CEMIP2: variants seen among roughly 807,000 people sequenced by gnomAD.
CEMIP2 encodes cell surface hyaluronidase CEMIP2.
A neutral mutation model predicts 146.9 loss-of-function variants in CEMIP2; 79 were observed. The observed-to-expected ratio is 0.54, with a 90% CI of 0.45 to 0.65. CEMIP2 has a LOEUF of 0.65. Ranked by LOEUF, CEMIP2 falls within the 30% of genes least tolerant of loss-of-function variation. CEMIP2 has a pLI of 0.00. For synonymous variants in CEMIP2, 601 were observed against 606.3 expected (o/e 0.99, Z 0.13); for missense variants, 1,596 against 1,696.2 (o/e 0.94, Z 1.04).
At position 71,731,693 on chromosome 9, in the gene CEMIP2, C is replaced by G. The variant is rs1823621463; in HGVS notation, c.1563+658G>C. ...CCCACAGTCAGTTGTGATCATGCCA[C>G]TGTACTCCATCCTGGGTGACAGAAT... On this transcript the variant is annotated intron_variant, in intron 7 of 23. Coordinates refer to ENST00000377044, the MANE Select transcript of CEMIP2 (RefSeq NM_013390.3). 2.7e-5 allele frequency among the ~76,000 whole-genome samples: 4 copies of G among 149,224 alleles called. No individual in the cohort carries two copies. In the South Asian group the frequency reaches 8.4e-4, roughly 31 times the overall value.
chr9:71,728,246 T>TACACGTATATAC (rs1823464894), intron 10 of CEMIP2, among the ~76,000 whole-genome samples: 1 of 43,056 alleles, frequency 2.3e-5, no homozygotes, highest in African/African-American at 6.2e-5. Context: ...TATATATATA[T>TACACGTATATAC]ATATGTATAT....
chr9:71,729,874 G>T lies in CEMIP2; in HGVS notation c.2020C>A (p.Leu674Met), dbSNP rs1229441673. 1 of 1,614,174 alleles carries T rather than the reference G, an allele frequency of 6.2e-7. No homozygotes were observed. The highest frequency in any genetic ancestry group is 2.2e-5 in the East Asian group (1 of 44,886). The change falls in exon 10 of 24, where the codon CTG becomes ATG. Residue 674 changes from leucine to methionine, a missense_variant. Physicochemically the swap from Leu to Met is conservative, Grantham distance 15. Coordinates refer to ENST00000377044, the MANE Select transcript of CEMIP2 (RefSeq NM_013390.3). ...TFWIAHPNNN[L>M]INNAAAGSQD... The stretch of plus-strand genomic sequence containing the variant: ...GAGCCTGCAGCTGCATTATTAATCA[G>T]ATTATTGTTGGGATGAGCAATCCAG...
chr9:71,717,425 C>A (rs1480786670), intron 13 of CEMIP2, among the ~76,000 whole-genome samples: 1 of 152,010 alleles, frequency 6.6e-6, no homozygotes, highest in African/African-American at 2.4e-5. Flanking sequence ...TTTTTCTAGA[C>A]TGTTGAACAC....
chr9:71,758,747 G>A (rs1247510404), intron 1 of CEMIP2, among the ~76,000 whole-genome samples: 2 of 152,074 alleles, frequency 1.3e-5, no homozygotes, highest in African/African-American at 4.8e-5. Flanking sequence ...TGCTTTGCAG[G>A]GTGACTTCTG....
Position 71,709,345 on chromosome 9 carries a change from T to C in CEMIP2, c.2899A>G (p.Arg967Gly), listed in dbSNP as rs765672027. ...VTGYKDAYVG[R>G]MDNYLIRHPS... ...TGGCGGATCAGGTAGTTGTCCATTCTTCCCACATAAGCATCCTTGTATCCT... is the reference window on the plus strand; with the variant it reads ...TGGCGGATCAGGTAGTTGTCCATTCCTCCCACATAAGCATCCTTGTATCCT... Residue 967 changes from arginine to glycine, a missense_variant, in exon 17 of 24, where the codon AGA becomes GGA. Arg to Gly is a moderately radical substitution (Grantham distance 125). Transcript: ENST00000377044. 1 of 1,614,226 alleles carries C rather than the reference T, an allele frequency of 6.2e-7. No individual in the cohort carries two copies. Among genetic ancestry groups the C allele is most frequent in the Non-Finnish European group, 8.5e-7 (1 of 1,180,026 alleles).
Position 71,684,084 on chromosome 9 carries a change from TTAAG to T in CEMIP2, c.*1109_*1112del, listed in dbSNP as rs2131838835. The stretch of plus-strand genomic sequence containing the variant: ...CTTTTTAATTGGCTTTAACATTTCA[TTAAG>T]TAAGAGTGACTCATTCCTGCAAGGC... On this transcript the variant is annotated 3_prime_UTR_variant, in exon 24 of 24. Coordinates refer to ENST00000377044, the MANE Select transcript of CEMIP2 (RefSeq NM_013390.3). 1 of 152,310 alleles carries T rather than the reference TTAAG, an allele frequency of 6.6e-6. No homozygotes were observed. The highest frequency in any genetic ancestry group is 2.4e-5 in the African/African-American group (1 of 41,540). The allele number at this position is 152,310 out of a possible 1,614,324, so 9.4% of individuals were successfully genotyped here. A position where few individuals can be genotyped will look rare whatever the true frequency, so the allele number is the denominator to read the frequency against.
chr9:71,694,443 T>C (rs1822333562), intron 21 of CEMIP2, 66 bp downstream of exon 21: 1 of 1,312,390 alleles, frequency 7.6e-7, no homozygotes, highest in African/African-American at 1.5e-5. Context: ...GTTTATAAGC[T>C]ACCTAGTTTA....
intron 20 of CEMIP2, 65 bp downstream of exon 20, chr9:71,697,920 C>T (rs1390763190): frequency 6.7e-7 from 1 of 1,501,190 alleles, no homozygotes; most frequent in African/African-American, 1.4e-5. Context: ...GAAAAGTGCT[C>T]CTATTGCAAA....
At chr9:71,725,359 C>T (rs1564010487) in intron 11 of CEMIP2, among the ~76,000 whole-genome samples, 1 of 152,102 alleles carries the variant, frequency 6.6e-6, no homozygotes, top group African/African-American at 2.4e-5. Context: ...TGCCCTTCTA[C>T]CGTGGATGAC....
At position 71,718,074 on chromosome 9, in the gene CEMIP2, C is replaced by T. The variant is rs140238648; in HGVS notation, c.2273G>A (p.Arg758Gln). Residue 758 changes from arginine (R) to glutamine (Q), a missense_variant, in exon 13 of 24, where the codon CGA (arginine) becomes CAA (glutamine). Physicochemically the swap from Arg to Gln is conservative, Grantham distance 43. Coordinates refer to ENST00000377044, the MANE Select transcript of CEMIP2 (RefSeq NM_013390.3). The stretch of plus-strand genomic sequence containing the variant: ...TTCGGGGTTTGCATCCTGATGAGGT[C>T]GAAATCTAGGGGTTAAAAAAAGAAT... ...YLCLDNSARF[R>Q]PHQDANPEKP... is the part of the protein sequence containing the mutation. 1.7e-5 allele frequency: 27 copies of T among 1,601,708 alleles called. No individual in the cohort carries two copies. Among genetic ancestry groups the T allele is most frequent in the South Asian group, 5.7e-5 (5 of 88,218 alleles).
Position 71,732,482 on chromosome 9 carries a change from C to A in CEMIP2, c.1432G>T (p.Gly478Cys). The A allele has an allele frequency of 1.2e-6, 2 of 1,612,342 alleles. No individual in the cohort carries two copies. Among genetic ancestry groups the A allele is most frequent in the African/African-American group, 1.3e-5 (1 of 74,870 alleles). ...QFLHMGEIIDGVDMRAEVGIL... is the reference protein window; with the variant it reads ...QFLHMGEIIDCVDMRAEVGIL... The stretch of plus-strand genomic sequence containing the variant: ...CCAACCTCAGCTCTCATGTCTACAC[C>A]GTCTATGATCTCACCCATGTGCAGG... Residue 478 changes from glycine (G) to cysteine (C), a missense_variant, in exon 7 of 24, where the codon GGT becomes TGT. Gly to Cys is a radical substitution (Grantham distance 159). Transcript: ENST00000377044.
chr9:71,715,057 C>T lies in CEMIP2; in HGVS notation c.2468G>A (p.Ser823Asn). The change falls in exon 15 of 24, where the codon AGC becomes AAC. Residue 823 changes from serine (S) to asparagine (N), a missense_variant. By Grantham distance (46) the Ser-to-Asn change is conservative. Transcript: ENST00000377044. Reference protein sequence around the residue: ...DGSFPSDEGSSQEVSESLFVG... With the variant: ...DGSFPSDEGSNQEVSESLFVG... ...AAAGAGAGATTCAGATACCTCTTGG[C>T]TGGAACCTTCATCACTTGGGAAGCT... 1.9e-6 allele frequency: 3 copies of T among 1,613,912 alleles called. No individual in the cohort carries two copies. The highest frequency in any genetic ancestry group is 2.5e-6 in the Non-Finnish European group (3 of 1,179,908).
chr9:71,717,202 G>A (rs1823082046), intron 13 of CEMIP2, among the ~76,000 whole-genome samples: 1 of 152,138 alleles, frequency 6.6e-6, no homozygotes, highest in African/African-American at 2.4e-5. Flanking sequence ...GTTAGGAACA[G>A]TGCCTGGCAA....
chr9:71,700,914 G>A (rs1822541359), intron 18 of CEMIP2, 90 bp from the exon 19 acceptor site: 1 of 1,183,484 alleles, frequency 8.4e-7, no homozygotes, highest in Non-Finnish European at 1.1e-6. Context: ...TCCTTCATGT[G>A]CCACTTCTTC....
At chr9:71,716,745 G>A (rs888419230) in intron 13 of CEMIP2, among the ~76,000 whole-genome samples, 193 bp from the exon 14 acceptor site, 2 of 152,148 alleles carry the variant, frequency 1.3e-5, no homozygotes, top group African/African-American at 4.8e-5. Context: ...TCAAATCCGG[G>A]CTTTGTCAAT....
chr9:71,766,945 G>A (rs577427372), intron 1 of CEMIP2, among the ~76,000 whole-genome samples: 5 of 152,160 alleles, frequency 3.3e-5, no homozygotes, highest in African/African-American at 7.2e-5. Flanking sequence ...AAGTCATTTC[G>A]GTGTGAAGAG....
intron 7 of CEMIP2, 33 bp from the exon 8 acceptor site, chr9:71,730,947 C>A (rs532991993): frequency 6.3e-7 from 1 of 1,586,410 alleles, no homozygotes; most frequent in East Asian, 2.2e-5. Flanking sequence ...CAAACTCATA[C>A]TTTTCAGAAT....
chr9:71,746,057 A>T, intron 3 of CEMIP2, 144 bp downstream of exon 3: 1 of 918,182 alleles, frequency 1.1e-6, no homozygotes, highest in Non-Finnish European at 1.6e-6. Flanking sequence ...TTATCTCATG[A>T]TCTTTCCAAA....
intron 12 of CEMIP2, among the ~76,000 whole-genome samples, chr9:71,720,077 T>C (rs1201829373): frequency 6.6e-6 from 1 of 152,210 alleles, no homozygotes; most frequent in Non-Finnish European, 1.5e-5. Context: ...CCGATTTTCT[T>C]ATTATCATCA....
Sources: allele counts gnomAD v4.1 joint callset (sites outside exome capture counted in the v4.1 genomes callset), GRCh38; gene constraint gnomAD v4.1.1; transcripts MANE v1.5; gene names NCBI Gene and HGNC (gene_info 2026-07-23, HGNC 2026-07-21).